The following PCDH9 variants were observed in gnomAD, a reference collection of about 807,000 sequenced individuals.
PCDH9 encodes the protein protocadherin-9.
PCDH9 carries 24 observed loss-of-function variants against 70.6 expected under a neutral mutation model. The observed-to-expected ratio is 0.34, with a 90% CI of 0.25 to 0.48. The LOEUF (loss-of-function observed/expected upper bound fraction) is 0.48, where lower values mean the gene tolerates loss of function less well. PCDH9 is among the 20% of genes least tolerant of loss of function. The pLI, the probability that PCDH9 is intolerant of heterozygous loss-of-function variation, is 0.99. For synonymous variants in PCDH9, 562 were observed against 558.5 expected (o/e 1.01, Z -0.09); for missense variants, 1,281 against 1,503.6 (o/e 0.85, Z 2.45).
chr13:66,871,716 A>G (rs2081690644), intron 3 of PCDH9, among the ~76,000 whole-genome samples: 1 of 152,146 alleles, frequency 6.6e-6, no homozygotes, highest in Non-Finnish European at 1.5e-5. Flanking sequence ...TAATGTTTAC[A>G]TTATATATAT....
At chr13:66,823,897 A>T (rs372486143) in intron 3 of PCDH9, among the ~76,000 whole-genome samples, 1 of 152,050 alleles carries the variant, frequency 6.6e-6, no homozygotes, top group Non-Finnish European at 1.5e-5. Context: ...TTCCTTTTCT[A>T]TGTAGTTGTC....
intron 4 of PCDH9, among the ~76,000 whole-genome samples, chr13:66,323,924 T>G (rs1356247541): frequency 6.6e-6 from 1 of 152,070 alleles, no homozygotes; most frequent in East Asian, 1.9e-4. Context: ...TCATCTGGAC[T>G]ATTGAAACTG....
At chr13:66,846,322 A>T (rs1303274057) in intron 3 of PCDH9, among the ~76,000 whole-genome samples, 1 of 152,194 alleles carries the variant, frequency 6.6e-6, no homozygotes, top group African/African-American at 2.4e-5. Context: ...AGGAAATCTC[A>T]AATGTCAATA....
intron 2 of PCDH9, among the ~76,000 whole-genome samples, chr13:66,995,914 A>T (rs2084104566): frequency 6.6e-6 from 1 of 152,226 alleles, no homozygotes; most frequent in African/African-American, 2.4e-5. Flanking sequence ...TTGAAAAATG[A>T]TACAGATTAT....
At chr13:66,978,775 G>T (rs913409227) in intron 2 of PCDH9, among the ~76,000 whole-genome samples, 1 of 147,660 alleles carries the variant, frequency 6.8e-6, no homozygotes, top group Non-Finnish European at 1.5e-5. Flanking sequence ...ATGATTTTTG[G>T]CCTTAACTTC....
chr13:66,512,096 T>C (rs1205308196), intron 4 of PCDH9, among the ~76,000 whole-genome samples: 1 of 152,142 alleles, frequency 6.6e-6, no homozygotes, highest in African/African-American at 2.4e-5. Context: ...GGTCTCATCC[T>C]AATTAATATT....
At chr13:66,895,924 C>G (rs889696578) in intron 3 of PCDH9, among the ~76,000 whole-genome samples, 2 of 152,180 alleles carry the variant, frequency 1.3e-5, no homozygotes, top group African/African-American at 4.8e-5. Context: ...AGCTGTCAGG[C>G]TGAATGGTAA....
At chr13:66,644,936 T>C (rs2077752477) in intron 3 of PCDH9, among the ~76,000 whole-genome samples, 1 of 152,084 alleles carries the variant, frequency 6.6e-6, no homozygotes, top group African/African-American at 2.4e-5. Flanking sequence ...TCTGATCTAG[T>C]TCATGTCCTG....
intron 2 of PCDH9, among the ~76,000 whole-genome samples, chr13:67,117,301 G>T (rs1449254266): frequency 6.6e-6 from 1 of 152,130 alleles, no homozygotes; most frequent in East Asian, 1.9e-4. Flanking sequence ...GTGTTCTCTT[G>T]CATCTTTTCC....
At chr13:67,134,969 T>C (rs1405230719) in intron 2 of PCDH9, among the ~76,000 whole-genome samples, 1 of 152,128 alleles carries the variant, frequency 6.6e-6, no homozygotes, top group Non-Finnish European at 1.5e-5. Flanking sequence ...CAATGAAAAG[T>C]GAAAAGTGAA....
intron 3 of PCDH9, among the ~76,000 whole-genome samples, chr13:66,654,600 C>A (rs948086168): frequency 1.3e-5 from 2 of 152,000 alleles, no homozygotes; most frequent in African/African-American, 2.4e-5. Context: ...TGTGCACCTA[C>A]TGTGTACACA....
intron 4 of PCDH9, among the ~76,000 whole-genome samples, chr13:66,438,150 T>C (rs949152033): frequency 1.3e-5 from 2 of 151,894 alleles, no homozygotes; most frequent in African/African-American, 4.8e-5. Context: ...GGGATAATTG[T>C]TTGAAACCGG....
intron 4 of PCDH9, among the ~76,000 whole-genome samples, chr13:66,447,908 A>G (rs1958127901): frequency 6.6e-6 from 1 of 152,164 alleles, no homozygotes; most frequent in African/African-American, 2.4e-5. Context: ...AGGTAATGAC[A>G]TTATATCTGA....
At chr13:66,479,680 T>A (rs1046493276) in intron 4 of PCDH9, among the ~76,000 whole-genome samples, 3 of 152,162 alleles carry the variant, frequency 2.0e-5, no homozygotes, top group Non-Finnish European at 4.4e-5. Context: ...AATGCACCAA[T>A]CAGCTCCCTG....
chr13:66,479,279 A>C (rs1347908108), intron 4 of PCDH9, among the ~76,000 whole-genome samples: 2 of 152,224 alleles, frequency 1.3e-5, no homozygotes, highest in Non-Finnish European at 2.9e-5. Flanking sequence ...GCTCTGACTG[A>C]AATGTAGAAG....
At chr13:67,102,606 T>C (rs1437673144) in intron 2 of PCDH9, among the ~76,000 whole-genome samples, 1 of 152,134 alleles carries the variant, frequency 6.6e-6, no homozygotes, top group Non-Finnish European at 1.5e-5. Flanking sequence ...AAAACACACA[T>C]TCAGTTGTTT....
chr13:66,372,674 A>G (rs1389143960), intron 4 of PCDH9, among the ~76,000 whole-genome samples: 1 of 151,806 alleles, frequency 6.6e-6, no homozygotes, highest in Admixed American at 6.6e-5. Flanking sequence ...GGGAATGTCC[A>G]TTGGCAAGAC....
In PCDH9 at chr13:66,303,542, A is replaced by G. The variant is rs190268894; in HGVS notation, c.*1113T>C. On this transcript the variant is annotated 3_prime_UTR_variant, in exon 5 of 5. Transcript: ENST00000377865. ...AACAACATTATTGTATATGAGGATCAACACAGACTCTGCCATTTCAACAAA... is the reference window on the plus strand; with the variant it reads ...AACAACATTATTGTATATGAGGATCGACACAGACTCTGCCATTTCAACAAA... 1 of 152,622 alleles carries G rather than the reference A, an allele frequency of 6.6e-6. No individual in the cohort carries two copies. Among genetic ancestry groups the G allele is most frequent in the East Asian group, 1.9e-4 (1 of 5,178 alleles). 9.5% of individuals were successfully genotyped at this position (152,622 alleles called of 1,614,324 possible).
chr13:66,781,286 T>C (rs919677692), intron 3 of PCDH9, among the ~76,000 whole-genome samples: 1 of 152,178 alleles, frequency 6.6e-6, no homozygotes, highest in African/African-American at 2.4e-5. Context: ...CATCCTACAT[T>C]CTGCCCTTAC....
Sources: allele counts gnomAD v4.1 joint callset (sites outside exome capture counted in the v4.1 genomes callset), GRCh38; gene constraint gnomAD v4.1.1; transcripts MANE v1.5; gene names NCBI Gene and HGNC (gene_info 2026-07-23, HGNC 2026-07-21).